The following MAP4 variants were observed in gnomAD, a reference collection of about 807,000 sequenced individuals.
MAP4 encodes the protein microtubule-associated protein 4.
A neutral mutation model predicts 170.2 loss-of-function variants in MAP4; 76 were observed. The ratio of observed to expected loss-of-function variants is 0.45; its 90% CI spans 0.37 to 0.54. The LOEUF is 0.54. Ranked by LOEUF, MAP4 falls within the 20% of genes least tolerant of loss-of-function variation. MAP4 has a pLI of 0.00. For synonymous variants in MAP4, 909 were observed against 994.5 expected (o/e 0.91, Z 1.62); for missense variants, 2,506 against 2,748.0 (o/e 0.91, Z 1.97).
intron 1 of MAP4, among the ~76,000 whole-genome samples, chr3:48,065,673 G>A (rs1478142428): frequency 6.6e-6 from 1 of 152,168 alleles, no homozygotes; most frequent in Non-Finnish European, 1.5e-5. Flanking sequence ...GTATGCACTG[G>A]CATCTTAGTT....
chr3:47,933,218 C>G (rs2100050870), intron 3 of MAP4, among the ~76,000 whole-genome samples: 1 of 152,074 alleles, frequency 6.6e-6, no homozygotes, highest in African/African-American at 2.4e-5. Flanking sequence ...CAATGGTCAC[C>G]TGAAACTGTA....
intron 2 of MAP4, among the ~76,000 whole-genome samples, chr3:47,982,260 ATTTAAG>A (rs2100085828): frequency 6.6e-6 from 1 of 152,242 alleles, no homozygotes; most frequent in South Asian, 2.1e-4. Context: ...AAAAATTAAA[ATTTAAG>A]TTTACATACA....
intron 1 of MAP4, among the ~76,000 whole-genome samples, chr3:48,088,055 A>G (rs2154577406): frequency 6.6e-6 from 1 of 152,258 alleles, no homozygotes; most frequent in Middle Eastern, 3.4e-3. Flanking sequence ...ACTCCTCCAC[A>G]GGACAATTTC....
At chr3:47,869,350 C>A (rs1370120729) in intron 15 of MAP4, 23 bp from the exon 16 acceptor site, 2 of 1,497,286 alleles carry the variant, frequency 1.3e-6, no homozygotes, top group African/African-American at 2.8e-5. Context: ...AAAGGGAGGG[C>A]AAATTTCAAA....
intron 2 of MAP4, among the ~76,000 whole-genome samples, chr3:47,989,296 A>G (rs186221692): frequency 1.3e-5 from 2 of 152,346 alleles, no homozygotes; most frequent in East Asian, 3.9e-4. Flanking sequence ...GTGAGATTAG[A>G]AGATCTGGGT....
At chr3:47,986,767 T>C (rs892997927) in intron 2 of MAP4, among the ~76,000 whole-genome samples, 2 of 152,118 alleles carry the variant, frequency 1.3e-5, no homozygotes, top group African/African-American at 2.4e-5. Flanking sequence ...AGTCAGAAAA[T>C]AACTATTTTT....
At chr3:47,942,318 G>A (rs2100057031) in intron 3 of MAP4, among the ~76,000 whole-genome samples, 1 of 151,930 alleles carries the variant, frequency 6.6e-6, no homozygotes, top group Non-Finnish European at 1.5e-5. Flanking sequence ...AAAAGAAAGG[G>A]GAAAATGTCT....
chr3:47,891,979 G>A, intron 10 of MAP4: 4 of 1,536,326 alleles, frequency 2.6e-6, no homozygotes, highest in Non-Finnish European at 3.5e-6. Flanking sequence ...ATCTGGTAGG[G>A]ATGTCAGCAG....
chr3:47,879,647 T>G (rs140044888), intron 10 of MAP4, among the ~76,000 whole-genome samples: 1 of 151,650 alleles, frequency 6.6e-6, no homozygotes, highest in Non-Finnish European at 1.5e-5. Context: ...TGTAGTGCTA[T>G]GCAACTTTAT....
chr3:47,888,510 G>A (rs186546281), intron 10 of MAP4, among the ~76,000 whole-genome samples: 14 of 152,014 alleles, frequency 9.2e-5, no homozygotes, highest in Non-Finnish European at 1.5e-4. Flanking sequence ...GCCAAGGTCT[G>A]CAGCTTCACT....
intron 2 of MAP4, among the ~76,000 whole-genome samples, chr3:47,997,392 ATTTTTAAATAT>A (rs1334529864): frequency 1.3e-5 from 2 of 151,020 alleles, no homozygotes; most frequent in Admixed American, 6.6e-5. Flanking sequence ...CAAAGGAAAT[ATTTTTAAATAT>A]TTTTAAATGA....
chr3:48,058,573 C>T (rs1000881644), intron 1 of MAP4, among the ~76,000 whole-genome samples: 1 of 152,074 alleles, frequency 6.6e-6, no homozygotes, highest in African/African-American at 2.4e-5. Flanking sequence ...TGAACACAGT[C>T]CTTTTCATCT....
chr3:47,954,750 GTGGTCAGGTAATAGATGAAA>G (rs1188334366), intron 3 of MAP4, among the ~76,000 whole-genome samples: 5 of 152,224 alleles, frequency 3.3e-5, no homozygotes, highest in Non-Finnish European at 7.3e-5. Flanking sequence ...AGTGCTGACA[GTGGTCAGGTAATAGATGAAA>G]TGCTTAGCTC....
rs1446078855 is a variant in MAP4, at chr3:47,911,303, C to T, written c.3118G>A (p.Val1040Met). ...IFTSEQLQGQ[V>M]LVQVPGVENE... ...TCTACCCCAGGGACCTGTACCAACA[C>T]TTGGCCCTGCAGCTGCTCAGAAGTA... The change falls in exon 9 of 21, where the codon GTG becomes ATG. Residue 1040 changes from valine to methionine, a missense_variant. By Grantham distance (21) the Val-to-Met change is conservative. This residue lies in a region of MAP4 where 2,008 missense variants were observed against 2,206.0 expected (regional missense o/e 0.91). Transcript: ENST00000683076. The surrounding 1 kb of genome is among the most constrained non-coding windows in gnomAD (Gnocchi z 4.0). 5 of 1,536,044 alleles carry T rather than the reference C, an allele frequency of 3.3e-6. No individual in the cohort carries two copies. Among genetic ancestry groups the T allele is most frequent in the Non-Finnish European group, 4.4e-6 (5 of 1,146,924 alleles).
At chr3:48,067,570 T>C (rs538233513) in intron 1 of MAP4, among the ~76,000 whole-genome samples, 2 of 152,250 alleles carry the variant, frequency 1.3e-5, no homozygotes, top group African/African-American at 2.4e-5. Context: ...TGGGCATTTA[T>C]GCTTCTGACT....
intron 10 of MAP4, among the ~76,000 whole-genome samples, chr3:47,888,271 C>T (rs1396119196): frequency 6.6e-6 from 1 of 152,172 alleles, no homozygotes; most frequent in East Asian, 1.9e-4. Context: ...CTGCCCGAGC[C>T]AGCACTGGTA....
At chr3:47,975,587 A>G (rs1000736829) in intron 3 of MAP4, 1 of 736,778 alleles carries the variant, frequency 1.4e-6, no homozygotes, top group Non-Finnish European at 2.5e-6. Context: ...CAAAGCTATT[A>G]ATGAAGCTGG....
chr3:47,909,644 G>C lies in MAP4; in HGVS notation c.4777C>G (p.Leu1593Val), dbSNP rs2100034923. The change falls in exon 9 of 21, where the codon CTA becomes GTA. Residue 1593 changes from leucine to valine, a missense_variant. Leu to Val is a conservative substitution (Grantham distance 32, BLOSUM62 1). Coordinates refer to ENST00000683076, the MANE Select transcript of MAP4 (RefSeq NM_001385682.1). ...TTACCTCTATCTGCATATCCTTCTAGGGCTCTGGCCTCTCCTGGTAGGCTC... is the reference window on the plus strand; with the variant it reads ...TTACCTCTATCTGCATATCCTTCTACGGCTCTGGCCTCTCCTGGTAGGCTC... ...DQSLPGEARA[L>V]EGYADRGNFP... 5 of 1,613,700 alleles carry C rather than the reference G, an allele frequency of 3.1e-6. No homozygotes were observed. Among genetic ancestry groups the C allele is most frequent in the Non-Finnish European group, 4.2e-6 (5 of 1,179,876 alleles).
intron 3 of MAP4, among the ~76,000 whole-genome samples, chr3:47,972,527 C>G (rs894262061): frequency 3.3e-5 from 5 of 152,218 alleles, no homozygotes; most frequent in Non-Finnish European, 7.3e-5. Flanking sequence ...CATTAAATAT[C>G]AGTAGTCATT....
Sources: gnomAD v4.1 joint callset for allele counts (sites outside exome capture counted in the v4.1 genomes callset) on GRCh38, gnomAD v4.1.1 for gene constraint, gnomAD v4.1.1 regional missense constraint, Gnocchi (gnomAD v3.1) non-coding constraint, MANE v1.5 for transcripts, NCBI Gene and HGNC (gene_info 2026-07-23, HGNC 2026-07-21) for gene names.